Variants in ARCN1 observed in about 807,000 individuals in gnomAD.
The protein encoded by ARCN1 is archain 1 coat protein complex I subunit delta, also known as coatomer subunit delta.
Under a neutral mutation model 60.4 loss-of-function variants are expected in ARCN1, and 5 were observed. The observed-to-expected ratio is 0.08, with a 90% confidence interval of 0.04 to 0.17. The LOEUF (loss-of-function observed/expected upper bound fraction) is 0.17, where lower values mean the gene tolerates loss of function less well. Ranked by LOEUF, ARCN1 falls within the 10% of genes least tolerant of loss-of-function variation. ARCN1 has a pLI of 1.00. For missense variants in ARCN1, 464 were observed against 626.5 expected, an observed-to-expected ratio of 0.74 and a Z score of 2.77; for synonymous variants, 224 against 220.0, an observed-to-expected ratio of 1.02 and a Z score of -0.16.
chr11:118,597,610 C>T (rs1555077391), intron 8 of ARCN1, 97 bp from the exon 9 acceptor site: 3 of 1,416,864 alleles, frequency 2.1e-6, no homozygotes. Context: ...TCCTAGAAGG[C>T]AAAATTTGGG....
intron 1 of ARCN1, 180 bp downstream of exon 1, chr11:118,572,730 G>T: frequency 3.2e-6 from 2 of 619,026 alleles, no homozygotes; most frequent in Non-Finnish European, 5.5e-6. Flanking sequence ...ATCCGATGGA[G>T]CTGACTCCAG....
At chr11:118,593,723 A>G in intron 8 of ARCN1, 25 bp downstream of exon 8, 5 of 1,505,210 alleles carry the variant, frequency 3.3e-6, no homozygotes, top group East Asian at 2.3e-5. Flanking sequence ...TGTGTCCTCT[A>G]CGGTGGACTT....
rs565034933 is a variant in ARCN1, at chr11:118,601,279, C to T, written c.*565C>T. 10 of 363,928 alleles carry T rather than the reference C, an allele frequency of 2.7e-5. No homozygotes were observed. Among genetic ancestry groups the T allele is most frequent in the Admixed American group, 8.3e-5 (2 of 23,988 alleles). The allele number at this position is 363,928 out of a possible 1,614,324, so 22.5% of individuals were successfully genotyped here. ...GTTTCACCGTGTTGCCCAGGCTGGT[C>T]GCGAACTCCTGAGCTCAGGCAATCC... On this transcript the variant is annotated 3_prime_UTR_variant, in exon 10 of 10. Transcript: ENST00000264028.
Position 118,601,545 on chromosome 11 carries a change from G to A in ARCN1, c.*831G>A. 1 of 667,990 alleles carries A rather than the reference G, an allele frequency of 1.5e-6. No individual in the cohort carries two copies. The highest frequency in any genetic ancestry group is 2.7e-6 in the Non-Finnish European group (1 of 368,044). The allele number at this position is 667,990 out of a possible 1,614,324, so 41.4% of individuals were successfully genotyped here. ...TGTTTACAGGCATTATATTTATTTG[G>A]CACTCCTGGAACAAGTATATCTAAC... On this transcript the variant is annotated 3_prime_UTR_variant, in exon 10 of 10. Coordinates refer to ENST00000264028, the MANE Select transcript of ARCN1 (RefSeq NM_001655.5).
At chr11:118,574,947 G>A (rs766047464) in intron 1 of ARCN1, among the ~76,000 whole-genome samples, 5 of 151,758 alleles carry the variant, frequency 3.3e-5, no homozygotes, top group Admixed American at 6.6e-5. Flanking sequence ...TTTGTATTCT[G>A]CAAATTAATG....
At position 118,572,521 on chromosome 11, in the gene ARCN1, C is replaced by T; in HGVS notation, c.-27C>T. On this transcript the variant is annotated 5_prime_UTR_variant, in exon 1 of 10. Coordinates refer to ENST00000264028, the MANE Select transcript of ARCN1 (RefSeq NM_001655.5). ...CCCTATCCCCAGTGGAGCCGGAGTG[C>T]GGGCGCGCCCCACCACCGCCCTCAC... The T allele has an allele frequency of 1.9e-6, 3 of 1,610,840 alleles. No individual in the cohort carries two copies. Among genetic ancestry groups the T allele is most frequent in the Non-Finnish European group, 1.7e-6 (2 of 1,178,764 alleles).
At chr11:118,587,962 T>TA (rs1938813876) in intron 5 of ARCN1, among the ~76,000 whole-genome samples, 2 of 152,178 alleles carry the variant, frequency 1.3e-5, no homozygotes, top group Admixed American at 1.3e-4. Flanking sequence ...GATGAAGAGA[T>TA]ACATAGGGCA....
chr11:118,579,544 C>T (rs1428369767), intron 1 of ARCN1, among the ~76,000 whole-genome samples: 85 of 149,240 alleles, frequency 5.7e-4, no homozygotes, highest in Non-Finnish European at 1.5e-4. Flanking sequence ...AAAAATTAGC[C>T]GGGCGTGGTG....
chr11:118,583,440 A>G, intron 3 of ARCN1, 82 bp downstream of exon 3: 1 of 1,403,860 alleles, frequency 7.1e-7, no homozygotes. Context: ...ATTTTTACTT[A>G]CTAATGTAGA....
intron 8 of ARCN1, among the ~76,000 whole-genome samples, chr11:118,596,024 G>A (rs797043375): frequency 7.7e-4 from 116 of 151,300 alleles, no homozygotes; most frequent in African/African-American, 2.7e-3. Flanking sequence ...CTGAGATCGC[G>A]CCACTGCACT....
At position 118,601,616 on chromosome 11, in the gene ARCN1, TG is replaced by T. The variant is rs1939150372; in HGVS notation, c.*906del. 4.3e-6 allele frequency: 3 copies of T among 702,836 alleles called. No individual in the cohort carries two copies. Among genetic ancestry groups the T allele is most frequent in the Non-Finnish European group, 7.8e-6 (3 of 384,982 alleles). The allele number at this position is 702,836 out of a possible 1,614,324, so 43.5% of individuals were successfully genotyped here. A position where few individuals can be genotyped will look rare whatever the true frequency, so the allele number is the denominator to read the frequency against. On this transcript the variant is annotated 3_prime_UTR_variant, in exon 10 of 10. Coordinates refer to ENST00000264028, the MANE Select transcript of ARCN1 (RefSeq NM_001655.5). ...ATTCAGGTGAACTATTTGAGGGGTA[TG>T]GGGTCTAGAAGTTAAAAGATACGCA...
In ARCN1 at chr11:118,582,816, G is replaced by A. The variant is rs112387708; in HGVS notation, c.268-363G>A. 9.3e-3 allele frequency among the ~76,000 whole-genome samples: 1,407 copies of A among 151,912 alleles called. 20 individuals are homozygous for A. The highest frequency in any genetic ancestry group is 0.032 in the African/African-American group (1,329 of 41,426). On this transcript the variant is annotated intron_variant, in intron 2 of 9. Coordinates refer to ENST00000264028, the MANE Select transcript of ARCN1 (RefSeq NM_001655.5). ...AGCAGTTTGGGAGACTGAGGCAAGC[G>A]GATCACCTGAGGTCAGGAGTTCAAC...
chr11:118,582,136 C>G (rs1046092896), intron 2 of ARCN1, among the ~76,000 whole-genome samples: 1 of 152,008 alleles, frequency 6.6e-6, no homozygotes, highest in Non-Finnish European at 1.5e-5. Context: ...ACAGCAAGAC[C>G]CTGATTCTTT....
chr11:118,596,333 A>G (rs1178799431), intron 8 of ARCN1, among the ~76,000 whole-genome samples: 2 of 152,138 alleles, frequency 1.3e-5, no homozygotes, highest in African/African-American at 2.4e-5. Flanking sequence ...AGTTTACTAG[A>G]CTATTTATAG....
chr11:118,590,455 C>A lies in ARCN1; in HGVS notation c.933C>A (p.Gly311=). 6.2e-7 allele frequency: 1 copy of A among 1,614,102 alleles called. No individual in the cohort carries two copies. Among genetic ancestry groups the A allele is most frequent in the South Asian group, 1.1e-5 (1 of 91,082 alleles). ...IMLRISDDKY[G]RIRLHVENED... ...TTAGGATCTCAGATGACAAGTATGG[C>A]CGAATTCGTCTTCATGTGGAAAATG... The change falls in exon 6 of 10, where the codon GGC becomes GGA. Residue 311 remains glycine, a synonymous_variant. Coordinates refer to ENST00000264028, the MANE Select transcript of ARCN1 (RefSeq NM_001655.5).
chr11:118,574,033 A>G (rs1319053941), intron 1 of ARCN1, among the ~76,000 whole-genome samples: 2 of 152,200 alleles, frequency 1.3e-5, no homozygotes, highest in Non-Finnish European at 2.9e-5. Flanking sequence ...TCTTTGTTAA[A>G]AGGTTCTTGG....
rs150520944 is a variant in ARCN1, at chr11:118,599,045, C to T, written c.1446+1134C>T. ...CTGACCTGAGGTGATCCGCCCACCT[C>T]AGCCTCCCAAAGTGCTGAGATTACA... On this transcript the variant is annotated intron_variant, in intron 9 of 9. Coordinates refer to ENST00000264028, the MANE Select transcript of ARCN1 (RefSeq NM_001655.5). Among the ~76,000 whole-genome samples, 946 of 151,722 alleles carry T rather than the reference C, an allele frequency of 6.2e-3. 12 individuals carry two copies. The highest frequency in any genetic ancestry group is 0.021 in the African/African-American group (888 of 41,332).
At chr11:118,590,544 G>A (rs372951436) in intron 6 of ARCN1, 38 bp downstream of exon 6, 68 of 1,601,156 alleles carry the variant, frequency 4.2e-5, no homozygotes, top group Non-Finnish European at 5.4e-5. Flanking sequence ...TTAACACTTT[G>A]TCTACCTATT....
At chr11:118,592,077 T>C (rs1236428872) in intron 6 of ARCN1, among the ~76,000 whole-genome samples, 1 of 152,198 alleles carries the variant, frequency 6.6e-6, no homozygotes, top group South Asian at 2.1e-4. Flanking sequence ...TGCGCCACCA[T>C]GTCCAGCCCC....
Sources: allele counts gnomAD v4.1 joint callset (sites outside exome capture counted in the v4.1 genomes callset), GRCh38; gene constraint gnomAD v4.1.1; transcripts MANE v1.5; gene names NCBI Gene and HGNC (gene_info 2026-07-23, HGNC 2026-07-21).